The following MCTP2 variants were observed in gnomAD, a reference collection of about 807,000 sequenced individuals.
MCTP2 encodes multiple C2 and transmembrane domain containing 2.
Under a neutral mutation model 111.6 loss-of-function variants are expected in MCTP2, and 132 were observed. The ratio of observed to expected loss-of-function variants is 1.18; its 90% confidence interval spans 1.03 to 1.37. MCTP2 has a LOEUF of 1.37. Among genes scored for constraint, MCTP2 ranks in the 40% most tolerant of loss-of-function variants. MCTP2 has a pLI of 0.00. For synonymous variants in MCTP2, 395 were observed against 387.7 expected, an observed-to-expected ratio of 1.02 and a Z score of -0.22; for missense variants, 1,183 against 1,067.9, an observed-to-expected ratio of 1.11 and a Z score of -1.50.
rs117666923 is a variant in MCTP2, at chr15:94,477,719, T to C, written c.2568+926T>C. Among the ~76,000 whole-genome samples the C allele has an allele frequency of 9.0e-4, 137 of 152,314 alleles. No individual in the cohort carries two copies. The East Asian group carries it at 0.025, about 28-fold the overall frequency. ...TCAAAGATCTGGGGCGGAAAAGCCT[T>C]AGAGTTTCTTTCCCCTTCATTCCGA... On this transcript the variant is annotated intron_variant, in intron 22 of 22. Coordinates refer to ENST00000357742, the MANE Select transcript of MCTP2 (RefSeq NM_001385001.1).
At chr15:94,291,081 T>C (rs190275759) in intron 1 of MCTP2, among the ~76,000 whole-genome samples, 1 of 152,334 alleles carries the variant, frequency 6.6e-6, no homozygotes, top group East Asian at 1.9e-4. Flanking sequence ...TATACAGTCT[T>C]TTCAAATGCA....
intron 12 of MCTP2, among the ~76,000 whole-genome samples, chr15:94,372,512 C>T (rs892373313): frequency 6.6e-6 from 1 of 152,206 alleles, no homozygotes; most frequent in Admixed American, 6.5e-5. Flanking sequence ...TCTAAGAGGT[C>T]AGCGATCGTG....
intron 14 of MCTP2, among the ~76,000 whole-genome samples, chr15:94,388,333 GT>G (rs2080645722): frequency 1.3e-5 from 2 of 152,164 alleles, no homozygotes; most frequent in Non-Finnish European, 2.9e-5. Context: ...TGTTCACTCT[GT>G]TTCAATCCAG....
At chr15:94,361,364 G>A (rs1330188036) in intron 10 of MCTP2, among the ~76,000 whole-genome samples, 1 of 152,040 alleles carries the variant, frequency 6.6e-6, no homozygotes, top group Non-Finnish European at 1.5e-5. Context: ...GCAGTTCAGT[G>A]GGAGGGAAGG....
intron 8 of MCTP2, among the ~76,000 whole-genome samples, chr15:94,345,423 A>C (rs1164360007): frequency 6.6e-6 from 1 of 152,170 alleles, no homozygotes; most frequent in East Asian, 1.9e-4. Flanking sequence ...ACACTTCATT[A>C]AGCTTGGATT....
intron 2 of MCTP2, among the ~76,000 whole-genome samples, chr15:94,305,861 TA>T (rs1305342460): frequency 6.6e-6 from 1 of 152,164 alleles, no homozygotes; most frequent in Non-Finnish European, 1.5e-5. Flanking sequence ...GAGAGGAGCT[TA>T]TTTTTTTATT....
intron 19 of MCTP2, among the ~76,000 whole-genome samples, chr15:94,445,827 G>C (rs911338106): frequency 6.6e-6 from 1 of 152,234 alleles, no homozygotes; most frequent in Non-Finnish European, 1.5e-5. Flanking sequence ...AACCAGAAGA[G>C]GAGAGAAACT....
chr15:94,343,809 T>C (rs1042851539), intron 7 of MCTP2: 2 of 152,182 alleles, frequency 1.3e-5, no homozygotes, highest in East Asian at 1.9e-4. Flanking sequence ...TTGTGAAGAT[T>C]GAAATTATCA....
At chr15:94,470,299 C>A in intron 20 of MCTP2, 34 bp from the exon 21 acceptor site, 1 of 1,404,874 alleles carries the variant, frequency 7.1e-7, no homozygotes, top group South Asian at 1.2e-5. Context: ...TGTTGAACAT[C>A]AGAGGAAATT....
intron 20 of MCTP2, among the ~76,000 whole-genome samples, chr15:94,461,428 A>G (rs1024125711): frequency 6.6e-6 from 1 of 152,150 alleles, no homozygotes; most frequent in African/African-American, 2.4e-5. Flanking sequence ...CCACCACACT[A>G]CAGCCTGGGC....
intron 20 of MCTP2, among the ~76,000 whole-genome samples, chr15:94,461,505 A>G (rs2085206687): frequency 6.6e-6 from 1 of 152,142 alleles, no homozygotes; most frequent in Non-Finnish European, 1.5e-5. Flanking sequence ...TTTATGCTAG[A>G]CAGCAGGCAG....
intron 20 of MCTP2, among the ~76,000 whole-genome samples, chr15:94,459,455 C>T (rs1183461234): frequency 2.6e-5 from 4 of 151,898 alleles, no homozygotes; most frequent in African/African-American, 4.8e-5. Context: ...GCATAGTAAA[C>T]GTGTATGTTT....
intron 12 of MCTP2, among the ~76,000 whole-genome samples, chr15:94,371,825 A>T (rs1266062640): frequency 1.3e-5 from 2 of 152,284 alleles, no homozygotes; most frequent in South Asian, 2.1e-4. Context: ...AGTAGCTGAG[A>T]TTACAGATGC....
In MCTP2 at chr15:94,244,974, A is replaced by C. The variant is rs1011842367; in HGVS notation, c.-66+13310A>C. ...CCTGTTTATATACGTATATGTATAC[A>C]CATACATATGCACCTGTTTATATAC... is the stretch of plus-strand genomic sequence containing the variant. On this transcript the variant is annotated intron_variant, in intron 1 of 22. Transcript: ENST00000357742. Among the ~76,000 whole-genome samples, 52 of 56,752 alleles carry C rather than the reference A, an allele frequency of 9.2e-4. 2 individuals carry two copies. Among genetic ancestry groups the C allele is most frequent in the African/African-American group, 3.1e-3 (51 of 16,490 alleles). The allele number at this position is 56,752 out of a possible 152,430, so 37.2% of individuals were successfully genotyped here.
At chr15:94,436,944 T>C (rs1022664633) in intron 17 of MCTP2, among the ~76,000 whole-genome samples, 1 of 151,824 alleles carries the variant, frequency 6.6e-6, no homozygotes, top group African/African-American at 2.4e-5. Flanking sequence ...AATAAAGAAA[T>C]TACTATTGGC....
At chr15:94,347,901 TACAC>T (rs57419585) in intron 8 of MCTP2, among the ~76,000 whole-genome samples, 2 of 149,466 alleles carry the variant, frequency 1.3e-5, no homozygotes, top group Admixed American at 6.6e-5. Context: ...CACACAGACA[TACAC>T]ACACACACAC....
chr15:94,244,945 T>C (rs933354550), intron 1 of MCTP2, among the ~76,000 whole-genome samples: 5 of 137,704 alleles, frequency 3.6e-5, no homozygotes, highest in Admixed American at 7.1e-5. Context: ...CACATACATA[T>C]GCACCTGTTT....
At chr15:94,396,023 G>A (rs2081265233) in intron 14 of MCTP2, among the ~76,000 whole-genome samples, 1 of 152,098 alleles carries the variant, frequency 6.6e-6, no homozygotes, top group Admixed American at 6.6e-5. Context: ...CTGCATAGAT[G>A]GTTTCTTCAG....
At chr15:94,316,524 A>C (rs2076386305) in intron 4 of MCTP2, among the ~76,000 whole-genome samples, 1 of 152,234 alleles carries the variant, frequency 6.6e-6, no homozygotes, top group Non-Finnish European at 1.5e-5. Context: ...TTTATTTGTA[A>C]AACAAGGATA....
Sources: gnomAD v4.1 joint callset for allele counts (sites outside exome capture counted in the v4.1 genomes callset) on GRCh38, gnomAD v4.1.1 for gene constraint, MANE v1.5 for transcripts, NCBI Gene and HGNC (gene_info 2026-07-23, HGNC 2026-07-21) for gene names.